STRN4: variants seen among roughly 807,000 people sequenced by gnomAD.
STRN4 encodes striatin-4.
Under a neutral mutation model 77.9 loss-of-function variants are expected in STRN4, and 27 were observed. That is an observed-to-expected ratio of 0.35 (90% CI 0.26 to 0.48). The LOEUF (loss-of-function observed/expected upper bound fraction) is 0.48. STRN4 is among the 20% of genes least tolerant of loss of function. STRN4 has a pLI of 0.99. For synonymous variants in STRN4, 466 were observed against 443.1 expected, an observed-to-expected ratio of 1.05 and a Z score of -0.65; for missense variants, 798 against 1,049.7, an observed-to-expected ratio of 0.76 and a Z score of 3.31.
intron 1 of STRN4, 147 bp downstream of exon 1, chr19:46,746,002 G>A (rs1353522860): frequency 2.2e-5 from 23 of 1,038,034 alleles, no homozygotes; most frequent in African/African-American, 3.4e-5. Flanking sequence ...CCCCTCACTC[G>A]CCCTCCGGGA....
Position 46,723,263 on chromosome 19 carries a change from A to T in STRN4, c.1616T>A (p.Val539Asp), listed in dbSNP as rs1244377048. The T allele has an allele frequency of 6.5e-7, 1 of 1,548,694 alleles. No individual in the cohort carries two copies. Among genetic ancestry groups the T allele is most frequent in the South Asian group, 1.2e-5 (1 of 84,210 alleles). Residue 539 changes from valine to aspartate, a missense_variant, in exon 13 of 18, where the codon GTC becomes GAC. By Grantham distance (152) the Val-to-Asp change is radical. Coordinates refer to ENST00000263280, the MANE Select transcript of STRN4 (RefSeq NM_013403.3). The surrounding 1 kb of genome is among the most constrained non-coding windows in gnomAD (Gnocchi z 5.5). The part of the protein sequence containing the change: ...DGYDPSVLSH[V>D]LEGHGDAVWG... ...CACGGCGTCCCCGTGGCCCTCCAGGACGTGGCTCAGCACGCTTGGGTCTGC... is the reference window on the plus strand; with the variant it reads ...CACGGCGTCCCCGTGGCCCTCCAGGTCGTGGCTCAGCACGCTTGGGTCTGC...
At chr19:46,725,674 T>C (rs1258001851) in intron 9 of STRN4, 26 bp from the exon 10 acceptor site, 2 of 1,608,704 alleles carry the variant, frequency 1.2e-6, no homozygotes, top group Non-Finnish European at 1.7e-6. Context: ...GCTGCCTCAG[T>C]GTCTTCGCAT....
chr19:46,734,539 G>C lies in STRN4; in HGVS notation c.540-1303C>G, dbSNP rs551400449. On this transcript the variant is annotated intron_variant, in intron 4 of 17. Coordinates refer to ENST00000263280, the MANE Select transcript of STRN4 (RefSeq NM_013403.3). Reference sequence around the variant, plus strand: ...AAATACAAGGAACTGACCATGGAGAGTTATGGTTATCTATATGACAGACAT... The same window carrying C: ...AAATACAAGGAACTGACCATGGAGACTTATGGTTATCTATATGACAGACAT... Among the ~76,000 whole-genome samples, 4 of 152,302 alleles carry C rather than the reference G, an allele frequency of 2.6e-5. No individual in the cohort carries two copies. In the South Asian group the frequency reaches 6.2e-4, roughly 24 times the overall value.
rs2053944732 is a variant in STRN4 at position 46,720,277 on chromosome 19, C to G, written c.*128G>C. ...CTGGGGAAAGGGCCGTTAGCACCAC[C>G]AGGCTCCATGGCAAACAGACAGAGG... On this transcript the variant is annotated 3_prime_UTR_variant, in exon 18 of 18. Coordinates refer to ENST00000263280, the MANE Select transcript of STRN4 (RefSeq NM_013403.3). 4.1e-6 allele frequency: 1 copy of G among 245,228 alleles called. No individual in the cohort carries two copies. Among genetic ancestry groups the G allele is most frequent in the East Asian group, 7.3e-5 (1 of 13,714 alleles). The allele number at this position is 245,228 out of a possible 1,614,324, so 15.2% of individuals were successfully genotyped here. A position where few individuals can be genotyped will look rare whatever the true frequency, so the allele number is the denominator to read the frequency against.
rs2054607758 is a variant in STRN4, at chr19:46,746,264, G to A, written c.167C>T (p.Pro56Leu). 1.4e-6 allele frequency: 2 copies of A among 1,481,350 alleles called. No individual in the cohort carries two copies. The allele number at this position is 1,481,350 out of a possible 1,614,324, so 91.8% of individuals were successfully genotyped here. The change falls in exon 1 of 18, where the codon CCC becomes CTC. Residue 56 changes from proline to leucine, a missense_variant. Pro to Leu is a moderately conservative substitution (Grantham distance 98, BLOSUM62 -3). Transcript: ENST00000263280. Reference sequence around the variant, plus strand: ...GCTCAGGGGCTCCGGGCCCGCCGTGGGCCCGGGGCTGCCTCCGCCGCCGCC... The same window carrying A: ...GCTCAGGGGCTCCGGGCCCGCCGTGAGCCCGGGGCTGCCTCCGCCGCCGCC... ...KGGGGGGSPG[P>L]TAGPEPLSLP... is the part of the protein sequence containing the mutation.
In STRN4 at chr19:46,738,105, C is replaced by T; in HGVS notation, c.460+59G>A. ...AGAGGCACCCCATCTTCCTGCTTCT[C>T]CAGAACACTCAGCTTCTGCGGGAGG... On this transcript the variant is annotated intron_variant, in intron 3 of 17. Coordinates refer to ENST00000263280, the MANE Select transcript of STRN4 (RefSeq NM_013403.3). This position sits in a 1 kb window ranked among gnomAD's most constrained non-coding sequence, Gnocchi z 4.5. The T allele has an allele frequency of 6.5e-7, 1 of 1,550,082 alleles. No individual in the cohort carries two copies. Among genetic ancestry groups the T allele is most frequent in the Middle Eastern group, 1.7e-4 (1 of 5,954 alleles).
intron 12 of STRN4, 50 bp downstream of exon 12, chr19:46,724,757 C>T (rs750349760): frequency 3.2e-5 from 51 of 1,612,460 alleles, no homozygotes; most frequent in Middle Eastern, 1.7e-4. Context: ...GTGGAGGGGA[C>T]GGCCAGGCCC....
chr19:46,721,646 T>A, intron 16 of STRN4: 1 of 259,142 alleles, frequency 3.9e-6, no homozygotes. Context: ...AGCACAGAAG[T>A]CCCACGGGTA....
At chr19:46,728,832 C>A (rs1453304672) in intron 6 of STRN4, 55 bp from the exon 7 acceptor site, 18 of 1,598,450 alleles carry the variant, frequency 1.1e-5, no homozygotes, top group Non-Finnish European at 1.5e-5. Flanking sequence ...AGAGACTAAG[C>A]CACCTCCGTG....
rs2054287852 is a variant in STRN4 at position 46,733,067 on chromosome 19, C to T, written c.709G>A (p.Val237Met). 1 of 1,612,848 alleles carries T rather than the reference C, an allele frequency of 6.2e-7. No homozygotes were observed. The change falls in exon 5 of 18, where the codon GTG (valine) becomes ATG (methionine). Residue 237 changes from valine to methionine, a missense_variant. Physicochemically the swap from Val to Met is conservative, Grantham distance 21 (BLOSUM62 1). Around this residue, in one of 2 missense-constraint regions of STRN4, gnomAD observed 511 missense variants for 575.9 expected, o/e 0.89. Transcript: ENST00000263280. This position sits in a 1 kb window ranked among gnomAD's most constrained non-coding sequence, Gnocchi z 4.3. ...TTTATCTGCTCCTCGATCTGTTTCA[C>T]CAGCAGCGACTCCCCACCACTGAGC... ...AGLSGGESLL[V>M]KQIEEQIKRN...
Position 46,746,205 on chromosome 19 carries a change from A to T in STRN4, c.226T>A (p.Trp76Arg). The T allele has an allele frequency of 6.5e-7, 1 of 1,537,130 alleles. No homozygotes were observed. The highest frequency in any genetic ancestry group is 8.7e-7 in the Non-Finnish European group (1 of 1,150,580). Residue 76 changes from tryptophan to arginine, a missense_variant, in exon 1 of 18, where the codon TGG becomes AGG. This residue lies in a region of STRN4 where 511 missense variants were observed against 575.9 expected (regional missense o/e 0.89). Coordinates refer to ENST00000263280, the MANE Select transcript of STRN4 (RefSeq NM_013403.3). ...GCTTTCTCGGCTTCGAAGCGCGCCC[A>T]CTCGTGCTGGATAAAGTGCAGGATC... Reference protein sequence around the residue: ...PGILHFIQHEWARFEAEKARW... With the variant: ...PGILHFIQHERARFEAEKARW...
At chr19:46,734,591 G>A (rs752397358) in intron 4 of STRN4, among the ~76,000 whole-genome samples, 1 of 152,138 alleles carries the variant, frequency 6.6e-6, no homozygotes, top group South Asian at 2.1e-4. Context: ...TTCCTCCATA[G>A]GACCAAAGGA....
rs2054302129 is a variant in STRN4, at chr19:46,733,685, C to A, written c.540-449G>T. The stretch of plus-strand genomic sequence containing the variant: ...GCGTTAATGTGCATAAAGCTTACAC[C>A]ACACGCAAACACACGTTTGTATTAT... On this transcript the variant is annotated intron_variant, in intron 4 of 17. Transcript: ENST00000263280. This position sits in a 1 kb window ranked among gnomAD's most constrained non-coding sequence, Gnocchi z 4.3. 6.2e-6 allele frequency: 1 copy of A among 161,514 alleles called. No homozygotes were observed. The highest frequency in any genetic ancestry group is 2.4e-5 in the African/African-American group (1 of 41,596). 10.0% of individuals were successfully genotyped at this position (161,514 alleles called of 1,614,324 possible). A position where few individuals can be genotyped will look rare whatever the true frequency, so the allele number is the denominator to read the frequency against.
Position 46,720,728 on chromosome 19 carries a change from C to A in STRN4, c.2136G>T (p.Thr712=). The change falls in exon 17 of 18, where the codon ACG becomes ACT. Residue 712 remains threonine (T), a synonymous_variant. Coordinates refer to ENST00000263280, the MANE Select transcript of STRN4 (RefSeq NM_013403.3). ...GGTGGGCCGTGATCTCCTGCACGCA[C>A]GTTTTGTTGTCCAGGCTCCAGAGAC... ...SLRLWSLDNK[T]CVQEITAHRK... is the part of the protein sequence containing the mutation. 6.2e-7 allele frequency: 1 copy of A among 1,607,208 alleles called. No homozygotes were observed. The highest frequency in any genetic ancestry group is 8.5e-7 in the Non-Finnish European group (1 of 1,176,084).
At position 46,733,251 on chromosome 19, in the gene STRN4, A is replaced by G. The variant is rs1248861784; in HGVS notation, c.540-15T>C. 6 of 1,606,484 alleles carry G rather than the reference A, an allele frequency of 3.7e-6. No homozygotes were observed. The highest frequency in any genetic ancestry group is 5.1e-6 in the Non-Finnish European group (6 of 1,179,070). On this transcript the variant is annotated splice_polypyrimidine_tract_variant and intron_variant, in intron 4 of 17. Coordinates refer to ENST00000263280, the MANE Select transcript of STRN4 (RefSeq NM_013403.3). The surrounding 1 kb of genome is among the most constrained non-coding windows in gnomAD (Gnocchi z 4.3). ...CTTCCAGGTACCTGCAGGGGTGCAG[A>G]GCCACGTGGGTCAGACATCCCCTGG...
At chr19:46,742,180 G>A (rs2054486816) in intron 1 of STRN4, among the ~76,000 whole-genome samples, 1 of 152,138 alleles carries the variant, frequency 6.6e-6, no homozygotes, top group South Asian at 2.1e-4. Context: ...CAGAAACCAC[G>A]TTACTTACTT....
In STRN4 at chr19:46,725,580, G is replaced by A. The variant is rs145271240; in HGVS notation, c.1317C>T (p.Asp439=). Residue 439 remains aspartate, a synonymous_variant, in exon 10 of 18, where the codon GAC becomes GAT. Transcript: ENST00000263280. ...GGTGGAAGGCCAGGGAACGAATGCC[G>A]TCGTAGTGCGAGCGCAGGGTGAACT... The part of the protein sequence containing the change: ...NPKFTLRSHY[D]GIRSLAFHHS... 1.2e-4 allele frequency: 201 copies of A among 1,614,092 alleles called. 1 individual carries two copies. In the African/African-American group the frequency reaches 2.3e-3, roughly 18 times the overall value.
At chr19:46,726,401 T>C (rs2054114786) in intron 9 of STRN4, 1 of 151,232 alleles carries the variant, frequency 6.6e-6, no homozygotes, top group African/African-American at 2.4e-5. Context: ...TCCCAGAACT[T>C]TGGGAGGCCA....
intron 1 of STRN4, among the ~76,000 whole-genome samples, chr19:46,743,501 G>T (rs1429187244): frequency 1.3e-5 from 2 of 152,216 alleles, no homozygotes; most frequent in Non-Finnish European, 2.9e-5. Context: ...TTCAGTCCAA[G>T]CTCTGCTATG....
Sources: allele counts gnomAD v4.1 joint callset (sites outside exome capture counted in the v4.1 genomes callset), GRCh38; gene constraint gnomAD v4.1.1; regional missense constraint gnomAD v4.1.1; non-coding constraint Gnocchi (gnomAD v3.1); transcripts MANE v1.5; gene names NCBI Gene and HGNC (gene_info 2026-07-23, HGNC 2026-07-21).